The following ROBO2 variants were observed in gnomAD, a reference collection of about 807,000 sequenced individuals.
ROBO2 encodes roundabout homolog 2.
In ROBO2, 53 loss-of-function variants were observed where a neutral mutation model predicts 160.8. The ratio of observed to expected loss-of-function variants is 0.33; its 90% CI spans 0.26 to 0.41. The LOEUF (loss-of-function observed/expected upper bound fraction) is 0.41. ROBO2 is among the 10% of genes least tolerant of loss of function. The pLI is 1.00. For synonymous variants in ROBO2, 664 were observed against 611.7 expected, an observed-to-expected ratio of 1.09 and a Z score of -1.26; for missense variants, 1,577 against 1,722.4, an observed-to-expected ratio of 0.92 and a Z score of 1.49.
At chr3:76,075,750 G>A (rs1310562678) in intron 2 of ROBO2, among the ~76,000 whole-genome samples, 1 of 152,070 alleles carries the variant, frequency 6.6e-6, no homozygotes, top group Non-Finnish European at 1.5e-5. Context: ...AGAAGGAAAA[G>A]CAACATCTAT....
intron 2 of ROBO2, among the ~76,000 whole-genome samples, chr3:76,414,019 C>A (rs761156292): frequency 6.6e-6 from 1 of 152,144 alleles, no homozygotes; most frequent in Non-Finnish European, 1.5e-5. Context: ...CACTTCTTAC[C>A]TGGTGGCAGC....
At chr3:77,229,206 A>G (rs1216633239) in intron 2 of ROBO2, among the ~76,000 whole-genome samples, 1 of 152,118 alleles carries the variant, frequency 6.6e-6, no homozygotes, top group Non-Finnish European at 1.5e-5. Flanking sequence ...TCGTTTTGAG[A>G]TTATTATATG....
rs150898693 is a variant in ROBO2, at chr3:76,929,332, A to G, written c.110-168682A>G. 4.6e-3 allele frequency among the ~76,000 whole-genome samples: 693 copies of G among 152,256 alleles called. 8 individuals carry two copies. The highest frequency in any genetic ancestry group is 0.016 in the African/African-American group (663 of 41,554). ...AGTTCTGCCTTGTGCCCATCTCAGT[A>G]AGGAGAAACCCCATTCTAGTTGCTC... On this transcript the variant is annotated intron_variant, in intron 2 of 26. Coordinates refer to the ROBO2 transcript ENST00000487694.
At chr3:77,528,292 CA>C (rs1209859124) in intron 6 of ROBO2, among the ~76,000 whole-genome samples, 2 of 151,504 alleles carry the variant, frequency 1.3e-5, no homozygotes, top group Non-Finnish European at 3.0e-5. Context: ...TTTAATATAA[CA>C]AAAAGGTACT....
chr3:77,066,101 A>G (rs985032621), intron 1 of ROBO2, among the ~76,000 whole-genome samples: 8 of 152,060 alleles, frequency 5.3e-5, no homozygotes, highest in Non-Finnish European at 1.0e-4. Context: ...ATGTCTCATC[A>G]TAATCAATTT....
chr3:76,030,082 A>C (rs2066869342), intron 2 of ROBO2, among the ~76,000 whole-genome samples: 1 of 152,044 alleles, frequency 6.6e-6, no homozygotes, highest in South Asian at 2.1e-4. Flanking sequence ...ATGGTATCTC[A>C]TTGTGGTTTT....
exon 10 of ROBO2, chr3:77,562,691 C>T: frequency 6.2e-7 from 1 of 1,612,534 alleles, no homozygotes. Flanking sequence ...GCTACAAGTT[C>T]AAGTGGAGAG....
intron 2 of ROBO2, among the ~76,000 whole-genome samples, chr3:76,396,584 A>G (rs1338144474): frequency 6.6e-6 from 1 of 152,186 alleles, no homozygotes; most frequent in Non-Finnish European, 1.5e-5. Context: ...CCATTGTCTC[A>G]GCCCAAAATC....
intron 2 of ROBO2, among the ~76,000 whole-genome samples, chr3:75,968,724 C>T (rs1183049081): frequency 6.6e-6 from 1 of 151,416 alleles, no homozygotes; most frequent in African/African-American, 2.4e-5. Context: ...CTTTGATCTG[C>T]TTTTTTTCAT....
chr3:77,463,410 C>T (rs1444922565), intron 2 of ROBO2, among the ~76,000 whole-genome samples: 3 of 152,046 alleles, frequency 2.0e-5, no homozygotes, highest in Non-Finnish European at 4.4e-5. Context: ...AATAGTACCT[C>T]TAAATGTGTT....
chr3:76,367,215 G>C (rs2075862412), intron 2 of ROBO2, among the ~76,000 whole-genome samples: 1 of 152,014 alleles, frequency 6.6e-6, no homozygotes, highest in East Asian at 1.9e-4. Flanking sequence ...AATATCATCT[G>C]ATCTAACATT....
At chr3:76,879,781 T>A (rs2073154295) in intron 2 of ROBO2, among the ~76,000 whole-genome samples, 2 of 152,186 alleles carry the variant, frequency 1.3e-5, no homozygotes, top group South Asian at 4.1e-4. Context: ...ATTATAGTTA[T>A]CTGAAATGAA....
chr3:77,470,553 A>C (rs1355678556), intron 2 of ROBO2, among the ~76,000 whole-genome samples: 2 of 152,322 alleles, frequency 1.3e-5, no homozygotes, highest in East Asian at 3.9e-4. Context: ...TATCTTTGGC[A>C]CATAGTATGT....
At chr3:76,134,867 C>T (rs903715141) in intron 2 of ROBO2, among the ~76,000 whole-genome samples, 5 of 149,962 alleles carry the variant, frequency 3.3e-5, no homozygotes, top group Non-Finnish European at 1.5e-5. Context: ...CTAAACCTCA[C>T]AAAAAAAAAT....
At chr3:76,294,790 C>G (rs1399080530) in intron 2 of ROBO2, among the ~76,000 whole-genome samples, 1 of 152,174 alleles carries the variant, frequency 6.6e-6, no homozygotes, top group Non-Finnish European at 1.5e-5. Context: ...AGCCAGTGGT[C>G]AGTGGATCTG....
intron 2 of ROBO2, among the ~76,000 whole-genome samples, chr3:76,032,025 A>G (rs887788037): frequency 6.6e-6 from 1 of 152,002 alleles, no homozygotes; most frequent in Admixed American, 6.6e-5. Context: ...TTATTGCCTC[A>G]ATTTTAGAGC....
intron 13 of ROBO2, among the ~76,000 whole-genome samples, chr3:77,569,835 T>C (rs971078678): frequency 1.3e-5 from 2 of 151,988 alleles, no homozygotes; most frequent in Admixed American, 6.6e-5. Flanking sequence ...GGGTTGTATA[T>C]ATTTTAAAAA....
intron 2 of ROBO2, among the ~76,000 whole-genome samples, chr3:76,376,270 C>G (rs1233058250): frequency 6.6e-6 from 1 of 151,972 alleles, no homozygotes; most frequent in Admixed American, 6.6e-5. Flanking sequence ...TTTCCCAGTC[C>G]CAGTGGATTC....
chr3:76,100,049 C>A (rs2069618229), intron 2 of ROBO2, among the ~76,000 whole-genome samples: 1 of 152,126 alleles, frequency 6.6e-6, no homozygotes, highest in African/African-American at 2.4e-5. Context: ...CATGCATAGT[C>A]CTGTGTGTTT....
Sources: allele counts gnomAD v4.1 joint callset (sites outside exome capture counted in the v4.1 genomes callset), GRCh38; gene constraint gnomAD v4.1.1; transcripts MANE v1.5; gene names NCBI Gene and HGNC (gene_info 2026-07-23, HGNC 2026-07-21).